The following P2RX7 variants were observed in gnomAD, a reference collection of about 807,000 sequenced individuals.
The protein encoded by P2RX7 is P2X purinoceptor 7.
A neutral mutation model predicts 71.6 loss-of-function variants in P2RX7; 62 were observed. The ratio of observed to expected loss-of-function variants is 0.87; its 90% confidence interval spans 0.71 to 1.07. The LOEUF is 1.07. P2RX7 is among the 50% of genes least tolerant of loss of function. The pLI, the probability that P2RX7 is intolerant of heterozygous loss-of-function variation, is 0.00. For missense variants in P2RX7, 686 were observed against 748.5 expected (o/e 0.92, Z 0.97); for synonymous variants, 299 against 283.3 (o/e 1.06, Z -0.56).
intron 8 of P2RX7, 76 bp from the exon 9 acceptor site, chr12:121,175,310 CAA>C (rs370710698): frequency 0.047 from 21,613 of 455,434 alleles, 23 homozygotes; most frequent in Admixed American, 0.061. Flanking sequence ...GACCCTGTCT[CAA>C]AAAAAAAAAA....
intron 8 of P2RX7, among the ~76,000 whole-genome samples, chr12:121,173,745 T>C (rs940537611): frequency 6.6e-6 from 1 of 152,212 alleles, no homozygotes; most frequent in Non-Finnish European, 1.5e-5. Flanking sequence ...GGTCTCTAAA[T>C]GTCTGGCCCT....
intron 5 of P2RX7, among the ~76,000 whole-genome samples, chr12:121,163,680 A>C (rs1265891180): frequency 6.6e-6 from 1 of 151,192 alleles, no homozygotes. Flanking sequence ...CTGGTTTTGA[A>C]CTCCTGGGCT....
intron 9 of P2RX7, among the ~76,000 whole-genome samples, chr12:121,175,700 G>A (rs546403799): frequency 6.6e-6 from 1 of 152,082 alleles, no homozygotes; most frequent in South Asian, 2.1e-4. Flanking sequence ...TCTAACATTC[G>A]GCTTTAAAAA....
intron 8 of P2RX7, among the ~76,000 whole-genome samples, chr12:121,173,579 G>T (rs761906371): frequency 2.0e-5 from 3 of 152,200 alleles, no homozygotes; most frequent in Non-Finnish European, 2.9e-5. Flanking sequence ...CAGGGCCACA[G>T]GAGGAAGTAC....
intron 1 of P2RX7, among the ~76,000 whole-genome samples, chr12:121,152,136 C>T (rs1426035084): frequency 6.6e-6 from 1 of 151,826 alleles, no homozygotes; most frequent in African/African-American, 2.4e-5. Context: ...CACACCACCA[C>T]ACCCGGCTAA....
At chr12:121,181,183 T>C (rs1041347169) in intron 12 of P2RX7, among the ~76,000 whole-genome samples, 11 of 152,172 alleles carry the variant, frequency 7.2e-5, no homozygotes, top group Non-Finnish European at 1.6e-4. Context: ...ATATACGCGG[T>C]TGAGTGTCTG....
chr12:121,186,227 CAT>C lies in P2RX7; in HGVS notation c.*1428_*1429del, dbSNP rs1291435807. The C allele has an allele frequency of 2.6e-5, 4 of 152,302 alleles. No homozygotes were observed. Among genetic ancestry groups the C allele is most frequent in the Non-Finnish European group, 5.9e-5 (4 of 68,124 alleles). 9.4% of individuals were successfully genotyped at this position (152,302 alleles called of 1,614,324 possible). On this transcript the variant is annotated 3_prime_UTR_variant, in exon 13 of 13. Transcript: ENST00000328963. ...TTCAGGTGATTCTGGACTCCACTAACATATGACTGATACCGCATGATACATCC... is the reference window on the plus strand; with the variant it reads ...TTCAGGTGATTCTGGACTCCACTAACATGACTGATACCGCATGATACATCC...
intron 8 of P2RX7, 47 bp from the exon 9 acceptor site, chr12:121,175,341 G>T: frequency 1.1e-6 from 1 of 875,388 alleles, no homozygotes. Context: ...CCAAAACCCA[G>T]CACTTTCAAA....
At chr12:121,171,382 G>A (rs1390712272) in intron 8 of P2RX7, among the ~76,000 whole-genome samples, 1 of 36,226 alleles carries the variant, frequency 2.8e-5, no homozygotes, top group Non-Finnish European at 5.6e-5. Flanking sequence ...TTTTTTTTTT[G>A]AGGCAGGGTT....
chr12:121,171,509 G>A (rs1882182749), intron 8 of P2RX7, among the ~76,000 whole-genome samples: 1 of 151,682 alleles, frequency 6.6e-6, no homozygotes, highest in Non-Finnish European at 1.5e-5. Flanking sequence ...CTAGTCATTG[G>A]ATTTGGGGCT....
intron 8 of P2RX7, among the ~76,000 whole-genome samples, chr12:121,172,571 C>G (rs929143098): frequency 6.6e-5 from 10 of 152,162 alleles, no homozygotes; most frequent in Non-Finnish European, 1.5e-4. Context: ...GCGGAGGCCA[C>G]AGTGAGCTGT....
At chr12:121,137,678 T>G (rs1873980748) in intron 1 of P2RX7, among the ~76,000 whole-genome samples, 1 of 152,228 alleles carries the variant, frequency 6.6e-6, no homozygotes, top group African/African-American at 2.4e-5. Flanking sequence ...TGTGAAGCCT[T>G]AAGTTCGTGT....
chr12:121,133,910 G>A (rs1872951772), intron 1 of P2RX7, among the ~76,000 whole-genome samples: 1 of 151,862 alleles, frequency 6.6e-6, no homozygotes. Context: ...TTTTTAAAGA[G>A]ACGGGGTCTC....
At chr12:121,165,609 AG>A (rs1243656365) in intron 6 of P2RX7, among the ~76,000 whole-genome samples, 172 bp downstream of exon 6, 1 of 152,200 alleles carries the variant, frequency 6.6e-6, no homozygotes, top group Non-Finnish European at 1.5e-5. Context: ...GTCAGGTTGT[AG>A]CCAAGCTGTC....
chr12:121,158,439 C>G (rs1022978159), intron 3 of P2RX7, among the ~76,000 whole-genome samples: 5 of 152,178 alleles, frequency 3.3e-5, no homozygotes, highest in Non-Finnish European at 4.4e-5. Context: ...CAAGGTCTGT[C>G]CGCATTGTCT....
At chr12:121,170,169 T>G (rs1430904722) in intron 8 of P2RX7, among the ~76,000 whole-genome samples, 2 of 152,194 alleles carry the variant, frequency 1.3e-5, no homozygotes, top group Admixed American at 1.3e-4. Context: ...GATAACTTTT[T>G]GATCATCCCC....
At chr12:121,175,091 C>T (rs1189654687) in intron 8 of P2RX7, among the ~76,000 whole-genome samples, 1 of 152,038 alleles carries the variant, frequency 6.6e-6, no homozygotes, top group Non-Finnish European at 1.5e-5. Flanking sequence ...AGGCAAATCA[C>T]TTGAGCTCAG....
At chr12:121,153,236 C>T (rs1010361405) in intron 1 of P2RX7, among the ~76,000 whole-genome samples, 40 of 152,310 alleles carry the variant, frequency 2.6e-4, no homozygotes, top group African/African-American at 9.1e-4. Flanking sequence ...ACAGCTGGGA[C>T]TGAGTCTTGG....
chr12:121,161,477 T>G (rs1271002332), intron 4 of P2RX7, among the ~76,000 whole-genome samples: 2 of 152,162 alleles, frequency 1.3e-5, no homozygotes, highest in Non-Finnish European at 2.9e-5. Context: ...GCAGAATTTC[T>G]TTATCTCACA....
Sources: allele counts gnomAD v4.1 joint callset (sites outside exome capture counted in the v4.1 genomes callset), GRCh38; gene constraint gnomAD v4.1.1; transcripts MANE v1.5; gene names NCBI Gene and HGNC (gene_info 2026-07-23, HGNC 2026-07-21).